Variants in SYK observed in about 807,000 individuals in gnomAD.
SYK encodes the protein tyrosine-protein kinase SYK.
SYK carries 16 observed loss-of-function variants against 77.8 expected under a neutral mutation model. That is an observed-to-expected ratio of 0.21 (90% CI 0.14 to 0.31). The LOEUF (loss-of-function observed/expected upper bound fraction) is 0.31. SYK is among the 10% of genes least tolerant of loss of function. The pLI, the probability that SYK is intolerant of heterozygous loss-of-function variation, is 1.00. For synonymous variants in SYK, 312 were observed against 308.7 expected (o/e 1.01, Z -0.11); for missense variants, 529 against 814.4 (o/e 0.65, Z 4.26).
chr9:90,834,169 G>A (rs919202467), intron 1 of SYK, among the ~76,000 whole-genome samples: 2 of 148,346 alleles, frequency 1.3e-5, no homozygotes, highest in African/African-American at 2.6e-5. Context: ...GGGCATGTCC[G>A]TCTGTCTCCC....
At chr9:90,820,039 C>T (rs1587817818) in intron 1 of SYK, among the ~76,000 whole-genome samples, 1 of 152,212 alleles carries the variant, frequency 6.6e-6, no homozygotes. Flanking sequence ...AATTTTTAAG[C>T]TCCAAGATGA....
chr9:90,803,497 G>A (rs1304838127), intron 1 of SYK, among the ~76,000 whole-genome samples: 1 of 151,890 alleles, frequency 6.6e-6, no homozygotes, highest in African/African-American at 2.4e-5. Flanking sequence ...TATACTTTAG[G>A]TCTTTATCTT....
At chr9:90,869,423 G>T (rs1473300009) in intron 7 of SYK, among the ~76,000 whole-genome samples, 2 of 152,120 alleles carry the variant, frequency 1.3e-5, no homozygotes, top group Non-Finnish European at 2.9e-5. Context: ...ATTTTTAAAA[G>T]ATCAAGGTTG....
intron 1 of SYK, among the ~76,000 whole-genome samples, chr9:90,812,912 G>A (rs1825147473): frequency 6.6e-6 from 1 of 152,150 alleles, no homozygotes; most frequent in Non-Finnish European, 1.5e-5. Context: ...GAGAATGTCA[G>A]TGCATTCTCA....
Position 90,897,014 on chromosome 9 carries a change from G to A in SYK, c.*1414G>A, listed in dbSNP as rs199842566. On this transcript the variant is annotated 3_prime_UTR_variant, in exon 14 of 14. Transcript: ENST00000375754. ...TGCACTCCAGCTTGGGCATCACAGC[G>A]AGACTCTGTCAAAACAAACAAACAA... 2.0e-4 allele frequency: 41 copies of A among 208,166 alleles called. No homozygotes were observed. Among genetic ancestry groups the A allele is most frequent in the African/African-American group, 9.1e-4 (40 of 43,954 alleles). 12.9% of individuals were successfully genotyped at this position (208,166 alleles called of 1,614,324 possible).
chr9:90,808,643 C>T (rs560221084), intron 1 of SYK, among the ~76,000 whole-genome samples: 147 of 152,128 alleles, frequency 9.7e-4, no homozygotes, highest in African/African-American at 3.4e-3. Context: ...ATGGCCATGC[C>T]TTCCCTATTC....
intron 1 of SYK, among the ~76,000 whole-genome samples, chr9:90,833,332 T>C (rs1363105873): frequency 6.6e-6 from 1 of 152,196 alleles, no homozygotes; most frequent in Non-Finnish European, 1.5e-5. Flanking sequence ...GAGAACAAAA[T>C]GTAAACGTAC....
At chr9:90,886,464 G>A (rs1828583588) in intron 11 of SYK, among the ~76,000 whole-genome samples, 1 of 152,196 alleles carries the variant, frequency 6.6e-6, no homozygotes, top group South Asian at 2.1e-4. Flanking sequence ...CAGCAGTTTT[G>A]GAAGCCCGAG....
chr9:90,813,120 C>G (rs1465290680), intron 1 of SYK, among the ~76,000 whole-genome samples: 1 of 152,078 alleles, frequency 6.6e-6, no homozygotes, highest in Non-Finnish European at 1.5e-5. Context: ...CATTTGCCAT[C>G]TGCATGCTTC....
At chr9:90,801,639 C>T (rs1826732312), upstream of SYK, 1 of 152,290 alleles carries the variant, frequency 6.6e-6, no homozygotes. Flanking sequence ...TGGGCCGATT[C>T]CGCGGGCCTC....
At chr9:90,808,557 T>A (rs1196529952) in intron 1 of SYK, among the ~76,000 whole-genome samples, 1 of 151,902 alleles carries the variant, frequency 6.6e-6, no homozygotes, top group African/African-American at 2.4e-5. Context: ...AAGACCTGGA[T>A]GTGCACAGGG....
chr9:90,853,031 C>A (rs182877028), intron 3 of SYK, among the ~76,000 whole-genome samples: 107 of 152,124 alleles, frequency 7.0e-4, no homozygotes, highest in Admixed American at 2.2e-3. Context: ...TCCCCACCCC[C>A]ACTTGTGCTG....
intron 1 of SYK, among the ~76,000 whole-genome samples, chr9:90,836,642 C>T (rs1408604774): frequency 6.6e-6 from 1 of 152,190 alleles, no homozygotes. Flanking sequence ...GTTCATCTCT[C>T]CAGTAAATTG....
chr9:90,891,142 C>CTTTTTTT (rs750370621), intron 13 of SYK, among the ~76,000 whole-genome samples: 3 of 119,070 alleles, frequency 2.5e-5, no homozygotes, highest in African/African-American at 6.4e-5. Flanking sequence ...ATGTTGCCTG[C>CTTTTTTT]TTTTTTTTTT....
intron 3 of SYK, among the ~76,000 whole-genome samples, chr9:90,849,734 T>C (rs997493940): frequency 6.6e-6 from 1 of 152,256 alleles, no homozygotes; most frequent in Non-Finnish European, 1.5e-5. Context: ...TGGCCTCAAA[T>C]GCTGGCTCCA....
At chr9:90,892,084 T>C (rs1828812261) in intron 13 of SYK, among the ~76,000 whole-genome samples, 1 of 152,250 alleles carries the variant, frequency 6.6e-6, no homozygotes, top group Non-Finnish European at 1.5e-5. Context: ...TTACTAGTTT[T>C]ACATGTTTAT....
intron 11 of SYK, among the ~76,000 whole-genome samples, chr9:90,880,319 A>G (rs72729076): frequency 0.23 from 34,349 of 152,232 alleles, 4,728 homozygotes; most frequent in Middle Eastern, 0.38. Flanking sequence ...AGACTCCACC[A>G]TCTTGAGCAC....
chr9:90,865,330 G>C (rs1390416323), intron 6 of SYK, among the ~76,000 whole-genome samples: 1 of 151,212 alleles, frequency 6.6e-6, no homozygotes, highest in Non-Finnish European at 1.5e-5. Flanking sequence ...TTTGGAGATG[G>C]AGTGTCTCAC....
At chr9:90,850,520 A>AT (rs1429883151) in intron 3 of SYK, among the ~76,000 whole-genome samples, 1 of 151,978 alleles carries the variant, frequency 6.6e-6, no homozygotes, top group Non-Finnish European at 1.5e-5. Context: ...CATCTCAAAA[A>AT]ATATATATAT....
Sources: allele counts gnomAD v4.1 joint callset (sites outside exome capture counted in the v4.1 genomes callset), GRCh38; gene constraint gnomAD v4.1.1; transcripts MANE v1.5; gene names NCBI Gene and HGNC (gene_info 2026-07-23, HGNC 2026-07-21).